Variants in KLF11 observed in about 807,000 individuals in gnomAD.
KLF11 encodes the protein KLF transcription factor 11, also known as Krueppel-like factor 11.
In KLF11, 26 loss-of-function variants were observed where a neutral mutation model predicts 29.9. The ratio of observed to expected loss-of-function variants is 0.87; its 90% CI spans 0.64 to 1.21. The LOEUF is 1.21. Among genes scored for constraint, KLF11 ranks in the 50% most tolerant of loss-of-function variants. KLF11 has a pLI of 0.00. For synonymous variants in KLF11, 318 were observed against 257.4 expected (o/e 1.24, Z -2.25); for missense variants, 778 against 665.7 (o/e 1.17, Z -1.86).
chr2:10,049,705 T>C (rs1026793633), intron 3 of KLF11, among the ~76,000 whole-genome samples: 9 of 152,258 alleles, frequency 5.9e-5, no homozygotes, highest in African/African-American at 2.2e-4. Context: ...CTTCCTTCTT[T>C]GACCCTAGTG....
At position 10,053,747 on chromosome 2, in the gene KLF11, CTGTA is replaced by C. The variant is rs2125284212; in HGVS notation, c.*1243_*1246del. On this transcript the variant is annotated 3_prime_UTR_variant, in exon 4 of 4. Coordinates refer to ENST00000305883, the MANE Select transcript of KLF11 (RefSeq NM_003597.5). ...AAAATAGATGGACAATATTTTTCAA[CTGTA>C]TGAGCACGTAGATAACCGAGAGAAT... 4.4e-6 allele frequency: 1 copy of C among 225,158 alleles called. No individual in the cohort carries two copies. The highest frequency in any genetic ancestry group is 5.8e-5 in the Admixed American group (1 of 17,372). The allele number at this position is 225,158 out of a possible 1,614,324, so 13.9% of individuals were successfully genotyped here. A position where few individuals can be genotyped will look rare whatever the true frequency, so the allele number is the denominator to read the frequency against.
At chr2:10,044,649 C>CTTT (rs56067200) in intron 1 of KLF11, among the ~76,000 whole-genome samples, 5 of 139,970 alleles carry the variant, frequency 3.6e-5, no homozygotes, top group Non-Finnish European at 7.7e-5. Context: ...GTTTCCTTTC[C>CTTT]TTTTTTTTTT....
In KLF11 at chr2:10,046,226, T is replaced by G. The variant is rs759816118; in HGVS notation, c.119T>G (p.Leu40Trp). The stretch of plus-strand genomic sequence containing the variant: ...AGCGAAAGGTCTACTTGCAGCATCT[T>G]GGAGCAGACAGACATGGAAGCTGTC... ...HDSERSTCSI[L>W]EQTDMEAVEA... Residue 40 changes from leucine (L) to tryptophan (W), a missense_variant, in exon 2 of 4, where the codon TTG becomes TGG. Physicochemically the swap from Leu to Trp is moderately conservative, Grantham distance 61 (BLOSUM62 -2). Coordinates refer to ENST00000305883, the MANE Select transcript of KLF11 (RefSeq NM_003597.5). 6.2e-7 allele frequency: 1 copy of G among 1,614,084 alleles called. No homozygotes were observed. The highest frequency in any genetic ancestry group is 2.2e-5 in the East Asian group (1 of 44,900).
Position 10,048,574 on chromosome 2 carries a change from G to C in KLF11, c.1237G>C (p.Ala413Pro). The C allele has an allele frequency of 1.2e-6, 2 of 1,603,604 alleles. No homozygotes were observed. Among genetic ancestry groups the C allele is most frequent in the East Asian group, 4.5e-5 (2 of 44,882 alleles). The change falls in exon 3 of 4, where the codon GCC becomes CCC. Residue 413 changes from alanine (A) to proline (P), a missense_variant. Ala to Pro is a conservative substitution (Grantham distance 27, BLOSUM62 -1). Coordinates refer to ENST00000305883, the MANE Select transcript of KLF11 (RefSeq NM_003597.5). ...CTACTTCAAAAGTTCCCACCTTAAG[G>C]CCCATCTTCGCACTCACACAGGTAA... is the stretch of plus-strand genomic sequence containing the variant. ...KTYFKSSHLKAHLRTHTGEKP... is the reference protein window; with the variant it reads ...KTYFKSSHLKPHLRTHTGEKP...
At chr2:10,044,084 C>G (rs1010803212) in intron 1 of KLF11, 5 of 709,280 alleles carry the variant, frequency 7.0e-6, no homozygotes, top group South Asian at 6.1e-5. Flanking sequence ...GGCCGTTGGG[C>G]GGGGGAGCGG....
intron 3 of KLF11, among the ~76,000 whole-genome samples, chr2:10,051,845 T>C (rs1661416264): frequency 6.6e-6 from 1 of 152,210 alleles, no homozygotes; most frequent in Non-Finnish European, 1.5e-5. Context: ...TAATTTATTT[T>C]TGTTTTTTGG....
At chr2:10,045,751 C>T (rs1250279831) in intron 1 of KLF11, among the ~76,000 whole-genome samples, 3 of 152,274 alleles carry the variant, frequency 2.0e-5, no homozygotes, top group East Asian at 1.9e-4. Context: ...CAGGGCGCCG[C>T]GGCCACTGGC....
rs534173004 is a variant in KLF11, at chr2:10,047,849, A to C, written c.512A>C (p.Lys171Thr). 5 of 1,613,842 alleles carry C rather than the reference A, an allele frequency of 3.1e-6. No individual in the cohort carries two copies. The highest frequency in any genetic ancestry group is 4.2e-6 in the Non-Finnish European group (5 of 1,180,002). ...EPVPSSPCRA[K>T]GTSVIRHTGE... ...GTGCCCAGCTCTCCCTGCAGGGCCAAGGGGACTAGCGTGATCCGACACACT... is the reference window on the plus strand; with the variant it reads ...GTGCCCAGCTCTCCCTGCAGGGCCACGGGGACTAGCGTGATCCGACACACT... The change falls in exon 3 of 4, where the codon AAG becomes ACG. Residue 171 changes from lysine to threonine, a missense_variant. Lys to Thr is a moderately conservative substitution (Grantham distance 78). Coordinates refer to ENST00000305883, the MANE Select transcript of KLF11 (RefSeq NM_003597.5).
In KLF11 at chr2:10,047,376, C is replaced by T. The variant is rs548101021; in HGVS notation, c.313-274C>T. Reference sequence around the variant, plus strand: ...GGGATAGGAAGGGCCTGTGGGTTGTCGGGAGGGTTGCAGAAGTGGTGGGCC... The same window carrying T: ...GGGATAGGAAGGGCCTGTGGGTTGTTGGGAGGGTTGCAGAAGTGGTGGGCC... On this transcript the variant is annotated intron_variant, in intron 2 of 3. Transcript: ENST00000305883. 8.5e-5 allele frequency among the ~76,000 whole-genome samples: 13 copies of T among 152,132 alleles called. No individual in the cohort carries two copies. The East Asian group carries it at 9.6e-4, about 11-fold the overall frequency.
chr2:10,044,303 CT>C (rs1661108450), intron 1 of KLF11: 1 of 984,060 alleles, frequency 1.0e-6, no homozygotes, highest in Non-Finnish European at 1.2e-6. Context: ...CGGGGCAACG[CT>C]TGGAGGCGGG....
Position 10,043,726 on chromosome 2 carries a change from C to T in KLF11, c.10C>T (p.Pro4Ser), listed in dbSNP as rs1171112424. 1.4e-6 allele frequency: 2 copies of T among 1,380,326 alleles called. No homozygotes were observed. The highest frequency in any genetic ancestry group is 1.3e-5 in the South Asian group (1 of 78,696). The allele number at this position is 1,380,326 out of a possible 1,614,324, so 85.5% of individuals were successfully genotyped here. MHT[P>S]DFAGPDDARA... is the part of the protein sequence containing the mutation. ...CCGGCCGGCCTGCACGATGCACACG[C>T]CGGACTTCGCAGGCCCAGACGACGC... The change falls in exon 1 of 4, where the codon CCG (proline) becomes TCG (serine). Residue 4 changes from proline (P) to serine (S), a missense_variant. Physicochemically the swap from Pro to Ser is moderately conservative, Grantham distance 74. Coordinates refer to ENST00000305883, the MANE Select transcript of KLF11 (RefSeq NM_003597.5).
At chr2:10,044,167 G>A (rs1343441573) in intron 1 of KLF11, 1 of 650,080 alleles carries the variant, frequency 1.5e-6, no homozygotes, top group Non-Finnish European at 1.8e-6. Context: ...CGGTTTTGGG[G>A]GCGGGGCACG....
intron 1 of KLF11, chr2:10,044,488 A>AG: frequency 1.0e-6 from 1 of 968,350 alleles, no homozygotes; most frequent in Non-Finnish European, 1.2e-6. Flanking sequence ...GTGACATCAC[A>AG]GGGGGTTTAG....
At chr2:10,046,727 C>A (rs1282411850) in intron 2 of KLF11, among the ~76,000 whole-genome samples, 3 of 152,070 alleles carry the variant, frequency 2.0e-5, no homozygotes, top group Non-Finnish European at 4.4e-5. Flanking sequence ...TGGTGGCGGG[C>A]GCCTGTAGTC....
chr2:10,050,314 G>C (rs1019775511), intron 3 of KLF11, among the ~76,000 whole-genome samples: 6 of 151,526 alleles, frequency 4.0e-5, no homozygotes, highest in African/African-American at 1.5e-4. Flanking sequence ...GGCTGAGGCA[G>C]GAGAATCACT....
intron 3 of KLF11, among the ~76,000 whole-genome samples, chr2:10,049,352 A>G (rs531846029): frequency 6.6e-6 from 1 of 152,376 alleles, no homozygotes; most frequent in African/African-American, 2.4e-5. Flanking sequence ...CTGGATAGAC[A>G]ATCGCTTCAG....
In KLF11 at chr2:10,053,230, A is replaced by AC; in HGVS notation, c.*727dup. ...GTCCATGGTGTGTCATGAAGGATGT[A>AC]CCCCAGAGAGTAACATGAGCCACTG... On this transcript the variant is annotated 3_prime_UTR_variant, in exon 4 of 4. Coordinates refer to ENST00000305883, the MANE Select transcript of KLF11 (RefSeq NM_003597.5). The AC allele has an allele frequency of 2.5e-6, 1 of 398,778 alleles. No homozygotes were observed. The highest frequency in any genetic ancestry group is 4.4e-6 in the Non-Finnish European group (1 of 226,242). The allele number at this position is 398,778 out of a possible 1,614,324, so 24.7% of individuals were successfully genotyped here.
intron 3 of KLF11, 114 bp downstream of exon 3, chr2:10,048,709 G>A: frequency 1.2e-6 from 1 of 803,106 alleles, no homozygotes; most frequent in Admixed American, 2.0e-5. Context: ...GAAGGTGGAA[G>A]TGTGGCTTTT....
intron 3 of KLF11, among the ~76,000 whole-genome samples, chr2:10,051,225 C>G (rs1222728169): frequency 8.0e-6 from 1 of 124,574 alleles, no homozygotes; most frequent in African/African-American, 3.0e-5. Flanking sequence ...CTTTTTTTTT[C>G]TTTTTTGGAC....
Sources: gnomAD v4.1 joint callset for allele counts (sites outside exome capture counted in the v4.1 genomes callset) on GRCh38, gnomAD v4.1.1 for gene constraint, MANE v1.5 for transcripts, NCBI Gene and HGNC (gene_info 2026-07-23, HGNC 2026-07-21) for gene names.